The following SPOCK3 variants were observed in gnomAD, a reference collection of about 807,000 sequenced individuals.
The protein encoded by SPOCK3 is SPARC (osteonectin), cwcv and kazal like domains proteoglycan 3, also known as testican-3.
SPOCK3 carries 30 observed loss-of-function variants against 56.6 expected under a neutral mutation model. The observed-to-expected ratio is 0.53, with a 90% CI of 0.40 to 0.72. SPOCK3 has a LOEUF of 0.72. Among genes scored for constraint, SPOCK3 ranks in the 30% least tolerant of loss-of-function variants. The pLI, the probability that SPOCK3 is intolerant of heterozygous loss-of-function variation, is 0.00. For missense variants in SPOCK3, 527 were observed against 530.0 expected, an observed-to-expected ratio of 0.99 and a Z score of 0.06; for synonymous variants, 196 against 183.3, an observed-to-expected ratio of 1.07 and a Z score of -0.56.
At chr4:166,780,691 G>C (rs1373511625) in intron 7 of SPOCK3, among the ~76,000 whole-genome samples, 1 of 152,068 alleles carries the variant, frequency 6.6e-6, no homozygotes, top group African/African-American at 2.4e-5. Flanking sequence ...CCACTAAGGG[G>C]GCAATAGGAT....
intron 2 of SPOCK3, among the ~76,000 whole-genome samples, chr4:167,135,863 C>A (rs1364944444): frequency 6.6e-6 from 1 of 152,026 alleles, no homozygotes; most frequent in Non-Finnish European, 1.5e-5. Context: ...GGTGTCATTC[C>A]ACTTCCGATT....
intron 3 of SPOCK3, chr4:167,011,117 C>T (rs960556278): frequency 7.9e-5 from 21 of 264,324 alleles, no homozygotes; most frequent in Non-Finnish European, 1.4e-4. Flanking sequence ...AAGAGATAAT[C>T]TTAGATTGGA....
At chr4:166,822,615 C>A (rs1411389653) in intron 6 of SPOCK3, among the ~76,000 whole-genome samples, 1 of 151,998 alleles carries the variant, frequency 6.6e-6, no homozygotes, top group African/African-American at 2.4e-5. Context: ...TTTTCAAAGG[C>A]ACTATTGCAC....
chr4:167,036,399 C>A (rs933183007), intron 3 of SPOCK3, among the ~76,000 whole-genome samples: 8 of 152,146 alleles, frequency 5.3e-5, no homozygotes, highest in Non-Finnish European at 1.0e-4. Flanking sequence ...ATCCCAACTG[C>A]AGCCTTGTGC....
chr4:166,764,917 G>GCCCC (rs1737777186), intron 7 of SPOCK3, among the ~76,000 whole-genome samples: 1 of 151,888 alleles, frequency 6.6e-6, no homozygotes, highest in African/African-American at 2.4e-5. Context: ...TTGTGGTTTT[G>GCCCC]ATTTGCATTT....
chr4:166,845,349 A>G (rs1055641352), intron 6 of SPOCK3, among the ~76,000 whole-genome samples: 1 of 152,238 alleles, frequency 6.6e-6, no homozygotes, highest in Non-Finnish European at 1.5e-5. Context: ...CACTGGGCAT[A>G]TGAAATTTTA....
chr4:167,071,006 CCT>C (rs959263027), intron 2 of SPOCK3, among the ~76,000 whole-genome samples: 6 of 151,756 alleles, frequency 4.0e-5, no homozygotes, highest in Non-Finnish European at 7.4e-5. Context: ...TTTTATGCCC[CCT>C]GACTTACCAC....
chr4:167,109,390 A>ATAT lies in SPOCK3; in HGVS notation c.190-46854_190-46853insATA. Among the ~76,000 whole-genome samples the ATAT allele has an allele frequency of 8.4e-5, 2 of 23,814 alleles. 1 individual carries two copies. Among genetic ancestry groups the ATAT allele is most frequent in the South Asian group, 3.0e-3 (2 of 674 alleles). The allele number at this position is 23,814 out of a possible 152,430, so 15.6% of individuals were successfully genotyped here. On this transcript the variant is annotated intron_variant, in intron 2 of 10. Transcript: ENST00000357545. The stretch of plus-strand genomic sequence containing the variant: ...TATATATATTTATATAAAATATATA[A>ATAT]ATATATATTTATATATAAATATATA...
chr4:166,963,729 ATTAT>A (rs1181667918), intron 4 of SPOCK3, among the ~76,000 whole-genome samples: 2 of 151,972 alleles, frequency 1.3e-5, no homozygotes, highest in African/African-American at 4.8e-5. Flanking sequence ...TTTGGCTAAC[ATTAT>A]TTATTTGTCA....
At chr4:167,135,743 A>G (rs922486445) in intron 2 of SPOCK3, among the ~76,000 whole-genome samples, 1 of 150,774 alleles carries the variant, frequency 6.6e-6, no homozygotes. Context: ...GTTTTAATTC[A>G]CCAGAAACTA....
At chr4:167,200,894 AT>A (rs1223655248) in intron 2 of SPOCK3, among the ~76,000 whole-genome samples, 2 of 152,090 alleles carry the variant, frequency 1.3e-5, no homozygotes, top group Non-Finnish European at 2.9e-5. Context: ...ATAGCAATTC[AT>A]CCCAAACACA....
rs137857475 is a variant in SPOCK3, at chr4:166,938,481, T to G, written c.351-25738A>C. 1.4e-3 allele frequency among the ~76,000 whole-genome samples: 215 copies of G among 152,216 alleles called. 6 individuals are homozygous for G. In the East Asian group the frequency reaches 0.029, roughly 20 times the overall value. ...GTGATCAATCTGGTAAAAAAAATGT[T>G]TAGTAGGTAATTGCAAACTTATAAC... On this transcript the variant is annotated intron_variant, in intron 4 of 10. Coordinates refer to ENST00000357545, the MANE Select transcript of SPOCK3 (RefSeq NM_001040159.2).
chr4:166,776,724 G>A lies in SPOCK3; in HGVS notation c.709+15446C>T, dbSNP rs1480859467. Among the ~76,000 whole-genome samples the A allele has an allele frequency of 3.3e-5, 5 of 152,174 alleles. No homozygotes were observed. The East Asian group carries it at 9.7e-4, about 29-fold the overall frequency. On this transcript the variant is annotated intron_variant, in intron 7 of 10. Transcript: ENST00000357545. Reference sequence around the variant, plus strand: ...TTAAGGAAAAAGACCAATATCCTACGTGTCCTGATGAAAATAATGTTAGAG... The same window carrying A: ...TTAAGGAAAAAGACCAATATCCTACATGTCCTGATGAAAATAATGTTAGAG...
intron 6 of SPOCK3, among the ~76,000 whole-genome samples, chr4:166,876,397 C>A (rs1733089101): frequency 6.6e-6 from 1 of 151,928 alleles, no homozygotes; most frequent in African/African-American, 2.4e-5. Flanking sequence ...TTAGAAGCTC[C>A]GTGGAAGAGA....
At chr4:166,846,636 T>G (rs1334162285) in intron 6 of SPOCK3, among the ~76,000 whole-genome samples, 5 of 152,124 alleles carry the variant, frequency 3.3e-5, no homozygotes, top group African/African-American at 9.7e-5. Context: ...ATTAGCTCAC[T>G]TTAATTCACA....
chr4:166,754,960 TAGTC>T (rs1439293110), intron 7 of SPOCK3, among the ~76,000 whole-genome samples: 1 of 151,946 alleles, frequency 6.6e-6, no homozygotes, highest in Non-Finnish European at 1.5e-5. Context: ...TGGTACTAAT[TAGTC>T]ATTCATTCAA....
chr4:167,111,954 G>A (rs1195922665), intron 2 of SPOCK3, among the ~76,000 whole-genome samples: 1 of 151,798 alleles, frequency 6.6e-6, no homozygotes, highest in Non-Finnish European at 1.5e-5. Flanking sequence ...GAGATGAGGT[G>A]TCACTATGTT....
intron 3 of SPOCK3, among the ~76,000 whole-genome samples, chr4:167,059,397 A>G (rs1755320758): frequency 6.6e-6 from 1 of 152,140 alleles, no homozygotes; most frequent in Non-Finnish European, 1.5e-5. Context: ...AAACACATGA[A>G]AAAATGCTCA....
At chr4:167,075,938 C>T (rs1204929600) in intron 2 of SPOCK3, among the ~76,000 whole-genome samples, 1 of 151,942 alleles carries the variant, frequency 6.6e-6, no homozygotes, top group African/African-American at 2.4e-5. Flanking sequence ...CATTTAAAAA[C>T]TTACATTAAA....
Sources: gnomAD v4.1 joint callset for allele counts (sites outside exome capture counted in the v4.1 genomes callset) on GRCh38, gnomAD v4.1.1 for gene constraint, MANE v1.5 for transcripts, NCBI Gene and HGNC (gene_info 2026-07-23, HGNC 2026-07-21) for gene names.